The following FMN2 variants were observed in gnomAD, a reference collection of about 807,000 sequenced individuals.
FMN2 encodes the protein formin 2.
A neutral mutation model predicts 142.3 loss-of-function variants in FMN2; 51 were observed. That is an observed-to-expected ratio of 0.36 (90% CI 0.29 to 0.45). The LOEUF (loss-of-function observed/expected upper bound fraction) is 0.45. FMN2 is among the 20% of genes least tolerant of loss of function. The pLI is 1.00. For synonymous variants in FMN2, 882 were observed against 869.8 expected (o/e 1.01, Z -0.25); for missense variants, 1,936 against 2,122.8 (o/e 0.91, Z 1.73).
chr1:240,470,633 G>A (rs1159428244), intron 16 of FMN2, among the ~76,000 whole-genome samples: 1 of 152,048 alleles, frequency 6.6e-6, no homozygotes, highest in Non-Finnish European at 1.5e-5. Context: ...TTTTGCCACA[G>A]GGATCAAGAA....
At chr1:240,163,341 T>C (rs1327357203) in intron 2 of FMN2, among the ~76,000 whole-genome samples, 1 of 152,218 alleles carries the variant, frequency 6.6e-6, no homozygotes, top group East Asian at 1.9e-4. Context: ...GTGTTTTTCC[T>C]TAGAGCTCTG....
chr1:240,172,723 T>A (rs1251396665), intron 2 of FMN2, among the ~76,000 whole-genome samples: 2 of 152,142 alleles, frequency 1.3e-5, no homozygotes, highest in Non-Finnish European at 2.9e-5. Flanking sequence ...AATAGTTAAT[T>A]ACCAATAGGT....
At chr1:240,185,248 A>G (rs1474518476) in intron 3 of FMN2, among the ~76,000 whole-genome samples, 1 of 145,874 alleles carries the variant, frequency 6.9e-6, no homozygotes, top group African/African-American at 2.5e-5. Context: ...CTTTTTCCTT[A>G]TCATGTATTT....
At chr1:240,319,119 T>C (rs1268746504) in intron 8 of FMN2, among the ~76,000 whole-genome samples, 1 of 152,026 alleles carries the variant, frequency 6.6e-6, no homozygotes, top group South Asian at 2.1e-4. Context: ...TGAGGTATAG[T>C]GGATGAAGAC....
intron 4 of FMN2, among the ~76,000 whole-genome samples, chr1:240,193,228 T>C (rs1219532761): frequency 6.6e-6 from 1 of 152,198 alleles, no homozygotes. Context: ...TCTCTGCTTA[T>C]AAAGGAGGCT....
At chr1:240,152,281 A>G (rs921895) in intron 2 of FMN2, among the ~76,000 whole-genome samples, 69,199 of 150,410 alleles carry the variant, frequency 0.46, 17,125 homozygotes, top group South Asian at 0.65. Context: ...TCTTCACTGG[A>G]CCCTTTTGAT....
intron 6 of FMN2, among the ~76,000 whole-genome samples, chr1:240,219,956 G>T (rs1020376158): frequency 6.6e-6 from 1 of 152,198 alleles, no homozygotes; most frequent in Non-Finnish European, 1.5e-5. Context: ...ACCATGCCCA[G>T]ACAACGAAAT....
chr1:240,427,171 T>TTATATA (rs34534422), intron 15 of FMN2, among the ~76,000 whole-genome samples: 52 of 136,918 alleles, frequency 3.8e-4, no homozygotes, highest in Admixed American at 7.6e-4. Flanking sequence ...ACAACTGATT[T>TTATATA]TATATATATA....
intron 2 of FMN2, among the ~76,000 whole-genome samples, chr1:240,172,016 G>C (rs944953711): frequency 2.0e-5 from 3 of 152,140 alleles, no homozygotes; most frequent in African/African-American, 7.2e-5. Flanking sequence ...AAATAAAACT[G>C]TGATTTGCTC....
chr1:240,170,448 A>G, intron 2 of FMN2: 1 of 1,338,482 alleles, frequency 7.5e-7, no homozygotes, highest in East Asian at 2.3e-5. Context: ...ATCCCATTTT[A>G]CATCCCACAG....
intron 7 of FMN2, among the ~76,000 whole-genome samples, chr1:240,263,274 G>T (rs553469325): frequency 6.6e-6 from 1 of 152,296 alleles, no homozygotes; most frequent in Admixed American, 6.5e-5. Flanking sequence ...CTATCTGAAA[G>T]GTTTGCTTCA....
At chr1:240,200,094 A>C (rs953023384) in intron 4 of FMN2, among the ~76,000 whole-genome samples, 1 of 152,182 alleles carries the variant, frequency 6.6e-6, no homozygotes, top group African/African-American at 2.4e-5. Flanking sequence ...GACAAGATTA[A>C]GTTCCAGGCG....
At chr1:240,169,024 G>A (rs1664594232) in intron 2 of FMN2, among the ~76,000 whole-genome samples, 2 of 152,102 alleles carry the variant, frequency 1.3e-5, no homozygotes, top group Admixed American at 6.5e-5. Context: ...CATCCTAGCC[G>A]ATATGGTGAA....
intron 15 of FMN2, among the ~76,000 whole-genome samples, chr1:240,396,455 T>C (rs1462607059): frequency 1.3e-5 from 2 of 151,304 alleles, no homozygotes; most frequent in African/African-American, 4.9e-5. Context: ...TTTTTTTTTT[T>C]CTCTTTATAA....
At chr1:240,176,629 T>C (rs1664926466) in intron 2 of FMN2, among the ~76,000 whole-genome samples, 1 of 152,220 alleles carries the variant, frequency 6.6e-6, no homozygotes, top group Non-Finnish European at 1.5e-5. Context: ...TCTCCAATGA[T>C]AGCTCATTGT....
At chr1:240,142,508 G>A (rs1044613164) in intron 2 of FMN2, among the ~76,000 whole-genome samples, 1 of 31,342 alleles carries the variant, frequency 3.2e-5, no homozygotes. Flanking sequence ...TATTTTTTGG[G>A]GGGGGATAAA....
At chr1:240,229,931 C>A (rs1317138980) in intron 6 of FMN2, among the ~76,000 whole-genome samples, 1 of 131,586 alleles carries the variant, frequency 7.6e-6, no homozygotes, top group Non-Finnish European at 1.6e-5. Flanking sequence ...CAGGTATGAG[C>A]CACCGTGCCC....
intron 8 of FMN2, among the ~76,000 whole-genome samples, chr1:240,299,034 T>G (rs555740602): frequency 3.2e-4 from 49 of 152,060 alleles, no homozygotes; most frequent in East Asian, 5.8e-4. Flanking sequence ...CACTGCAACC[T>G]CTGCCTCCCA....
At chr1:240,143,518 G>T (rs544676630) in intron 2 of FMN2, 38 of 1,585,428 alleles carry the variant, frequency 2.4e-5, no homozygotes, top group Non-Finnish European at 3.1e-5. Context: ...CTTCTCTTTG[G>T]AGTCAAAGTG....
Sources: gnomAD v4.1 joint callset for allele counts (sites outside exome capture counted in the v4.1 genomes callset) on GRCh38, gnomAD v4.1.1 for gene constraint, MANE v1.5 for transcripts, NCBI Gene and HGNC (gene_info 2026-07-23, HGNC 2026-07-21) for gene names.